The following PTPRM variants were observed in gnomAD, a reference collection of about 807,000 sequenced individuals.
PTPRM encodes protein tyrosine phosphatase receptor type M, also known as receptor-type tyrosine-protein phosphatase mu.
In PTPRM, 47 loss-of-function variants were observed where a neutral mutation model predicts 186.7. The ratio of observed to expected loss-of-function variants is 0.25; its 90% CI spans 0.20 to 0.32. The LOEUF is 0.32. Among genes scored for constraint, PTPRM ranks in the 10% least tolerant of loss-of-function variants. PTPRM has a pLI of 1.00. For missense variants in PTPRM, 1,494 were observed against 1,865.0 expected (o/e 0.80, Z 3.66); for synonymous variants, 668 against 674.9 (o/e 0.99, Z 0.16).
intron 14 of PTPRM, among the ~76,000 whole-genome samples, chr18:8,194,521 G>A (rs191210194): frequency 1.3e-5 from 2 of 152,338 alleles, no homozygotes; most frequent in Non-Finnish European, 2.9e-5. Flanking sequence ...AATCCACACT[G>A]GAAACAGGCA....
intron 31 of PTPRM, among the ~76,000 whole-genome samples, chr18:8,393,270 C>T (rs193077709): frequency 9.0e-4 from 137 of 152,320 alleles, no homozygotes; most frequent in Admixed American, 8.6e-3. Flanking sequence ...CCGAAATGCA[C>T]GGCCTTGTTT....
chr18:8,264,703 A>C (rs1313825082), intron 19 of PTPRM, among the ~76,000 whole-genome samples: 2 of 144,400 alleles, frequency 1.4e-5, no homozygotes, highest in East Asian at 4.4e-4. Context: ...CAGCAGGTGG[A>C]GGTTGCAGTG....
rs141139952 is a variant in PTPRM, at chr18:7,940,120, G to A, written c.664-9061G>A. 3.2e-3 allele frequency among the ~76,000 whole-genome samples: 493 copies of A among 152,250 alleles called. 2 individuals are homozygous for A. Among genetic ancestry groups the A allele is most frequent in the African/African-American group, 0.011 (470 of 41,540 alleles). On this transcript the variant is annotated intron_variant, in intron 5 of 32. Transcript: ENST00000580170. Reference sequence around the variant, plus strand: ...TGGCCATCACTCCCCACACTTCACTGTTTAATTCCAGCCTAGGGAATGGAA... The same window carrying A: ...TGGCCATCACTCCCCACACTTCACTATTTAATTCCAGCCTAGGGAATGGAA...
intron 1 of PTPRM, among the ~76,000 whole-genome samples, chr18:7,682,284 A>G (rs1246471864): frequency 6.6e-6 from 1 of 152,232 alleles, no homozygotes; most frequent in African/African-American, 2.4e-5. Flanking sequence ...AGCTATTTCA[A>G]GGGAATGTCT....
chr18:8,239,841 T>C (rs139119936), intron 14 of PTPRM, among the ~76,000 whole-genome samples: 4 of 152,202 alleles, frequency 2.6e-5, no homozygotes, highest in African/African-American at 9.7e-5. Flanking sequence ...ATTTTAATGA[T>C]CTATTTATAG....
chr18:8,357,721 C>T (rs945156932), intron 23 of PTPRM, among the ~76,000 whole-genome samples: 5 of 152,150 alleles, frequency 3.3e-5, no homozygotes, highest in African/African-American at 9.7e-5. Context: ...GTTTCACATC[C>T]GTCAATTCAA....
intron 2 of PTPRM, among the ~76,000 whole-genome samples, chr18:7,826,021 A>T (rs1476078580): frequency 6.6e-6 from 1 of 152,180 alleles, no homozygotes; most frequent in Admixed American, 6.5e-5. Flanking sequence ...AGTGGCTCTC[A>T]GAGCACCTTG....
chr18:8,222,845 A>C (rs1161745924), intron 14 of PTPRM, among the ~76,000 whole-genome samples: 2 of 152,154 alleles, frequency 1.3e-5, no homozygotes, highest in East Asian at 3.9e-4. Context: ...ATCCCAGCTG[A>C]TCAGAAGGCT....
At chr18:7,674,033 G>A (rs893164048) in intron 1 of PTPRM, among the ~76,000 whole-genome samples, 6 of 152,274 alleles carry the variant, frequency 3.9e-5, no homozygotes, top group Admixed American at 3.3e-4. Context: ...GGACCTGAAG[G>A]GGGAGATGGG....
intron 14 of PTPRM, among the ~76,000 whole-genome samples, chr18:8,240,499 GAGGAAGGAAGGA>G (rs1300777583): frequency 1.5e-3 from 20 of 13,550 alleles, no homozygotes; most frequent in African/African-American, 7.0e-3. Flanking sequence ...GAGAGAGAGA[GAGGAAGGAAGGA>G]AGGAAGGAAG....
chr18:8,240,190 C>G (rs945334297), intron 14 of PTPRM, among the ~76,000 whole-genome samples: 1 of 152,142 alleles, frequency 6.6e-6, no homozygotes, highest in Non-Finnish European at 1.5e-5. Context: ...AACAGAGTCT[C>G]TTTCTTGATG....
chr18:8,313,777 G>A (rs533743301), intron 20 of PTPRM, among the ~76,000 whole-genome samples: 9 of 151,966 alleles, frequency 5.9e-5, no homozygotes, highest in African/African-American at 1.7e-4. Context: ...AAAGTCCACT[G>A]TATCATTCTT....
Position 8,399,303 on chromosome 18 carries a change from C to T in PTPRM, c.4344+4692C>T, listed in dbSNP as rs116490075. Among the ~76,000 whole-genome samples the T allele has an allele frequency of 3.2e-3, 488 of 152,284 alleles. 4 individuals are homozygous for T. Among genetic ancestry groups the T allele is most frequent in the African/African-American group, 0.011 (469 of 41,562 alleles). On this transcript the variant is annotated intron_variant, in intron 32 of 32. Coordinates refer to ENST00000580170, the MANE Select transcript of PTPRM (RefSeq NM_001105244.2). Reference sequence around the variant, plus strand: ...GCTTCTGACTGGTTGTTGCACTTCTCCTGATGTTTGGAAAGCTGCCCTATT... The same window carrying T: ...GCTTCTGACTGGTTGTTGCACTTCTTCTGATGTTTGGAAAGCTGCCCTATT...
chr18:8,252,261 C>G (rs1041153932), intron 17 of PTPRM, among the ~76,000 whole-genome samples: 3 of 152,232 alleles, frequency 2.0e-5, no homozygotes, highest in Admixed American at 1.3e-4. Flanking sequence ...AATTATGATG[C>G]TAATTTTAAC....
At chr18:8,000,435 A>C (rs2083803152) in intron 7 of PTPRM, among the ~76,000 whole-genome samples, 1 of 152,210 alleles carries the variant, frequency 6.6e-6, no homozygotes, top group South Asian at 2.1e-4. Context: ...GTGTGCCAAT[A>C]AGTGAATATA....
At chr18:8,342,550 A>C (rs547549143) in intron 22 of PTPRM, among the ~76,000 whole-genome samples, 21 of 152,322 alleles carry the variant, frequency 1.4e-4, no homozygotes, top group African/African-American at 4.8e-4. Context: ...CATTTTTATG[A>C]TTTCACATAT....
chr18:8,238,626 T>C (rs1339580722), intron 14 of PTPRM, among the ~76,000 whole-genome samples: 3 of 150,380 alleles, frequency 2.0e-5, no homozygotes. Flanking sequence ...TGTTGTTTGC[T>C]CTGTCTCTTC....
intron 1 of PTPRM, among the ~76,000 whole-genome samples, chr18:7,661,925 A>AT (rs373600928): frequency 0.022 from 3,244 of 150,242 alleles, 116 homozygotes; most frequent in African/African-American, 0.075. Context: ...CATGTATATG[A>AT]TTTTTTTTTT....
At chr18:8,286,493 A>G (rs755521926) in intron 19 of PTPRM, among the ~76,000 whole-genome samples, 1 of 152,174 alleles carries the variant, frequency 6.6e-6, no homozygotes, top group Non-Finnish European at 1.5e-5. Flanking sequence ...TTAGAATCTC[A>G]TATTTACTCT....
Sources: allele counts gnomAD v4.1 joint callset (sites outside exome capture counted in the v4.1 genomes callset), GRCh38; gene constraint gnomAD v4.1.1; transcripts MANE v1.5; gene names NCBI Gene and HGNC (gene_info 2026-07-23, HGNC 2026-07-21).